RASAL2: variants seen among roughly 807,000 people sequenced by gnomAD.
RASAL2 encodes the protein ras GTPase-activating protein nGAP.
A neutral mutation model predicts 128.9 loss-of-function variants in RASAL2; 58 were observed. The observed-to-expected ratio is 0.45, with a 90% CI of 0.36 to 0.56. RASAL2 has a LOEUF of 0.56. Among genes scored for constraint, RASAL2 ranks in the 20% least tolerant of loss-of-function variants. The pLI, the probability that RASAL2 is intolerant of heterozygous loss-of-function variation, is 0.00. For missense variants in RASAL2, 1,360 were observed against 1,601.6 expected (o/e 0.85, Z 2.57); for synonymous variants, 561 against 580.8 (o/e 0.97, Z 0.49).
intron 2 of RASAL2, among the ~76,000 whole-genome samples, chr1:178,294,127 C>T (rs1437540608): frequency 2.0e-5 from 3 of 152,192 alleles, no homozygotes; most frequent in Admixed American, 2.0e-4. Context: ...TGTGGAAAAT[C>T]TGGTGTACTA....
At position 178,171,946 on chromosome 1, in the gene RASAL2, C is replaced by A; in HGVS notation, c.202+77252C>A. On this transcript the variant is annotated intron_variant, in intron 1 of 17. Transcript: ENST00000367649. The stretch of plus-strand genomic sequence containing the variant: ...TTGATATGTTCCTGGAGAGCTTTTT[C>A]ATGCTCTATTTCATATGTTGCCTTA... 1.3e-5 allele frequency among the ~76,000 whole-genome samples: 2 copies of A among 152,020 alleles called. 1 individual carries two copies. Among genetic ancestry groups the A allele is most frequent in the Middle Eastern group, 6.8e-3 (2 of 294 alleles).
intron 4 of RASAL2, among the ~76,000 whole-genome samples, chr1:178,419,053 A>G (rs955451284): frequency 2.0e-5 from 3 of 152,160 alleles, no homozygotes; most frequent in Non-Finnish European, 4.4e-5. Flanking sequence ...TATCCTGATA[A>G]ATATAGCCTT....
chr1:178,145,551 T>C (rs1201595464), intron 1 of RASAL2, among the ~76,000 whole-genome samples: 1 of 8,182 alleles, frequency 1.2e-4, no homozygotes, highest in Non-Finnish European at 2.6e-4. Context: ...ATAGTGACTT[T>C]GACAAAAAAA....
intron 1 of RASAL2, among the ~76,000 whole-genome samples, chr1:178,267,556 A>G (rs1225301420): frequency 7.6e-6 from 1 of 132,072 alleles, no homozygotes; most frequent in Non-Finnish European, 1.6e-5. Flanking sequence ...CTCAGACCTT[A>G]CTGTAATATT....
At chr1:178,212,347 G>A (rs907415253) in intron 1 of RASAL2, among the ~76,000 whole-genome samples, 2 of 152,146 alleles carry the variant, frequency 1.3e-5, no homozygotes, top group Non-Finnish European at 2.9e-5. Context: ...TATAAAAATA[G>A]CATTTTCAGA....
Position 178,283,573 on chromosome 1 carries a change from G to T in RASAL2, c.212G>T (p.Gly71Val), listed in dbSNP as rs563642381. Residue 71 changes from glycine (G) to valine (V), a missense_variant, in exon 2 of 18, where the codon GGA becomes GTA. Transcript: ENST00000367649. ...QSWVRVYDVK[G>V]PPTHRLSCGQ... is the part of the protein sequence containing the mutation. ...CCCTTTTCTCATGCAGATGTGAAAG[G>T]ACCACCCACCCACCGTCTGTCTTGT... is the stretch of plus-strand genomic sequence containing the variant. 4 of 1,612,370 alleles carry T rather than the reference G, an allele frequency of 2.5e-6. No homozygotes were observed. Among genetic ancestry groups the T allele is most frequent in the Non-Finnish European group, 3.4e-6 (4 of 1,179,448 alleles).
At chr1:178,159,405 T>C (rs1248736368) in intron 1 of RASAL2, among the ~76,000 whole-genome samples, 1 of 152,176 alleles carries the variant, frequency 6.6e-6, no homozygotes, top group Non-Finnish European at 1.5e-5. Flanking sequence ...TGACATATCT[T>C]ATTTCAGAGT....
chr1:178,401,655 A>C (rs945953305), intron 4 of RASAL2, among the ~76,000 whole-genome samples: 2 of 152,168 alleles, frequency 1.3e-5, no homozygotes, highest in Non-Finnish European at 2.9e-5. Context: ...ATCTCTAAAA[A>C]ATACTAATAC....
intron 1 of RASAL2, among the ~76,000 whole-genome samples, chr1:178,163,968 C>A (rs1034493992): frequency 6.6e-6 from 1 of 152,028 alleles, no homozygotes; most frequent in Non-Finnish European, 1.5e-5. Flanking sequence ...GGATACAAGT[C>A]TTTCACTTAT....
rs571363907 is a variant in RASAL2, at chr1:178,387,304, C to T, written c.458-2796C>T. Among the ~76,000 whole-genome samples, 7 of 152,078 alleles carry T rather than the reference C, an allele frequency of 4.6e-5. No individual in the cohort carries two copies. The South Asian group carries it at 1.0e-3, about 23-fold the overall frequency. On this transcript the variant is annotated intron_variant, in intron 3 of 17. Transcript: ENST00000367649. ...TGATTTAATATCTTCTTTCTGGACCCGATAATACATCATATAAGCTACATC... is the reference window on the plus strand; with the variant it reads ...TGATTTAATATCTTCTTTCTGGACCTGATAATACATCATATAAGCTACATC...
At chr1:178,369,965 G>C (rs914117058) in intron 3 of RASAL2, among the ~76,000 whole-genome samples, 2 of 152,132 alleles carry the variant, frequency 1.3e-5, no homozygotes, top group African/African-American at 4.8e-5. Flanking sequence ...AAGATGTCAG[G>C]GAAGACCTGG....
intron 3 of RASAL2, among the ~76,000 whole-genome samples, chr1:178,317,493 A>G (rs1018497614): frequency 2.0e-5 from 3 of 150,142 alleles, no homozygotes; most frequent in Non-Finnish European, 4.4e-5. Context: ...CTATTCAGAG[A>G]TTCAACTTCT....
At chr1:178,308,847 T>C (rs1281268224) in intron 3 of RASAL2, among the ~76,000 whole-genome samples, 1 of 152,178 alleles carries the variant, frequency 6.6e-6, no homozygotes, top group Non-Finnish European at 1.5e-5. Flanking sequence ...TAGTGAGGAC[T>C]CTGTTTTTAT....
intron 1 of RASAL2, among the ~76,000 whole-genome samples, chr1:178,096,464 T>TTGTGTGTGTG (rs57531713): frequency 1.3e-5 from 2 of 148,370 alleles, no homozygotes; most frequent in African/African-American, 4.9e-5. Flanking sequence ...ATTGTATATT[T>TTGTGTGTGTG]TGTGTGTGTG....
chr1:178,157,878 T>C lies in RASAL2; in HGVS notation c.202+63184T>C, dbSNP rs143313178. Among the ~76,000 whole-genome samples the C allele has an allele frequency of 1.2e-3, 183 of 152,296 alleles. 2 individuals are homozygous for C. In the East Asian group the frequency reaches 0.021, roughly 18 times the overall value. On this transcript the variant is annotated intron_variant, in intron 1 of 17. Coordinates refer to ENST00000367649, the MANE Select transcript of RASAL2 (RefSeq NM_170692.4). ...AAAAGTAAAGGAGTTACCATAAAAA[T>C]ATCAATATTTTATTCATTTGCTCAT...
chr1:178,288,509 T>C (rs1667132630), intron 2 of RASAL2, among the ~76,000 whole-genome samples: 1 of 151,840 alleles, frequency 6.6e-6, no homozygotes, highest in African/African-American at 2.4e-5. Context: ...GCCCTTCTGC[T>C]TGTGTTCATT....
chr1:178,285,102 T>A (rs979805818), intron 2 of RASAL2, among the ~76,000 whole-genome samples: 12 of 141,722 alleles, frequency 8.5e-5, no homozygotes, highest in Non-Finnish European at 1.7e-4. Context: ...ATTGCTACTT[T>A]CTTTTTTTTT....
chr1:178,171,726 T>G (rs1661710992), intron 1 of RASAL2, among the ~76,000 whole-genome samples: 1 of 151,892 alleles, frequency 6.6e-6, no homozygotes, highest in Admixed American at 6.6e-5. Context: ...GAGAGAGATT[T>G]AAGACTAAAG....
chr1:178,317,578 G>A (rs1490990051), intron 3 of RASAL2, among the ~76,000 whole-genome samples: 25 of 149,614 alleles, frequency 1.7e-4, no homozygotes, highest in African/African-American at 3.9e-4. Context: ...GTTTATTTGC[G>A]TAGAGGTGTT....
Sources: allele counts gnomAD v4.1 joint callset (sites outside exome capture counted in the v4.1 genomes callset), GRCh38; gene constraint gnomAD v4.1.1; transcripts MANE v1.5; gene names NCBI Gene and HGNC (gene_info 2026-07-23, HGNC 2026-07-21).